Variants in JAKMIP2 observed in about 807,000 individuals in gnomAD.
JAKMIP2 encodes janus kinase and microtubule interacting protein 2.
In JAKMIP2, 25 loss-of-function variants were observed where a neutral mutation model predicts 115.0. That is an observed-to-expected ratio of 0.22 (90% CI 0.16 to 0.30). The LOEUF (loss-of-function observed/expected upper bound fraction) is 0.30, where lower values mean the gene tolerates loss of function less well. Ranked by LOEUF, JAKMIP2 falls within the 10% of genes least tolerant of loss-of-function variation. The probability of loss-of-function intolerance (pLI) is 1.00; values close to 1 mark genes in which losing one functional copy is unlikely to be tolerated. For missense variants in JAKMIP2, 642 were observed against 957.6 expected, an observed-to-expected ratio of 0.67 and a Z score of 4.35; for synonymous variants, 334 against 343.6, an observed-to-expected ratio of 0.97 and a Z score of 0.31.
intron 10 of JAKMIP2, 103 bp from the exon 11 acceptor site, chr5:147,637,151 G>T (rs1421420506): frequency 1.4e-6 from 1 of 732,394 alleles, no homozygotes; most frequent in South Asian, 1.6e-5. Flanking sequence ...AAAAAAAGAA[G>T]AATTTTCTAT....
rs1311922907 is a variant in JAKMIP2 at position 147,588,127 on chromosome 5, T to G, written c.*3580A>C. On this transcript the variant is annotated 3_prime_UTR_variant, in exon 22 of 22. Transcript: ENST00000616793. ...TGACATTCAATTTAGTAATAGATGC[T>G]TTTTAAGTATGATAGTCAAAGATAG... is the stretch of plus-strand genomic sequence containing the variant. 6.6e-6 allele frequency: 1 copy of G among 152,158 alleles called. No homozygotes were observed. Among genetic ancestry groups the G allele is most frequent in the African/African-American group, 2.4e-5 (1 of 41,438 alleles). The allele number at this position is 152,158 out of a possible 1,614,324, so 9.4% of individuals were successfully genotyped here.
At chr5:147,618,923 A>G (rs1711839023) in intron 18 of JAKMIP2, among the ~76,000 whole-genome samples, 1 of 152,096 alleles carries the variant, frequency 6.6e-6, no homozygotes, top group African/African-American at 2.4e-5. Context: ...TGGTCGCCAT[A>G]TTTTTTCTTG....
intron 20 of JAKMIP2, among the ~76,000 whole-genome samples, chr5:147,609,892 C>T (rs1199558558): frequency 6.6e-6 from 1 of 152,092 alleles, no homozygotes; most frequent in East Asian, 1.9e-4. Flanking sequence ...TCTTTTCATT[C>T]TTTTTTCTCT....
intron 1 of JAKMIP2, among the ~76,000 whole-genome samples, 193 bp downstream of exon 1, chr5:147,782,263 A>G (rs1755788166): frequency 6.6e-6 from 1 of 151,556 alleles, no homozygotes; most frequent in South Asian, 2.1e-4. Flanking sequence ...TTTTTTTTAA[A>G]CACAAGAGGT....
At chr5:147,640,008 C>T (rs1031503999) in intron 9 of JAKMIP2, among the ~76,000 whole-genome samples, 1 of 152,126 alleles carries the variant, frequency 6.6e-6, no homozygotes, top group African/African-American at 2.4e-5. Flanking sequence ...ATACATTTCT[C>T]ATTGTTAATC....
chr5:147,676,577 C>T (rs1759976855), intron 1 of JAKMIP2, among the ~76,000 whole-genome samples: 1 of 152,182 alleles, frequency 6.6e-6, no homozygotes, highest in Non-Finnish European at 1.5e-5. Flanking sequence ...CATGGTCAGG[C>T]AGCAGTAGCC....
Position 147,590,675 on chromosome 5 carries a change from T to A in JAKMIP2, c.*1032A>T, listed in dbSNP as rs1755062466. ...GTTTTTGCCCAAATCATATAGCATA[T>A]TCATTTGCAGGCAATTTTAAGCAGC... On this transcript the variant is annotated 3_prime_UTR_variant, in exon 22 of 22. Coordinates refer to ENST00000616793, the MANE Select transcript of JAKMIP2 (RefSeq NM_001270941.2). The A allele has an allele frequency of 6.6e-6, 1 of 152,208 alleles. No individual in the cohort carries two copies. The highest frequency in any genetic ancestry group is 2.1e-4 in the South Asian group (1 of 4,830). 9.4% of individuals were successfully genotyped at this position (152,208 alleles called of 1,614,324 possible).
rs1379916531 is a variant in JAKMIP2, at chr5:147,631,397, T to G, written c.1875+16A>C. On this transcript the variant is annotated intron_variant, in intron 14 of 21. Coordinates refer to ENST00000616793, the MANE Select transcript of JAKMIP2 (RefSeq NM_001270941.2). ...TTCTAATTTCTACAAACATAAAAAA[T>G]GAAATATCTGCCTACCTTAACACCT... 8 of 1,507,692 alleles carry G rather than the reference T, an allele frequency of 5.3e-6. No individual in the cohort carries two copies. The highest frequency in any genetic ancestry group is 7.2e-6 in the Non-Finnish European group (8 of 1,103,678). 93.4% of individuals were successfully genotyped at this position (1,507,692 alleles called of 1,614,324 possible).
At chr5:147,662,187 A>ACACACACAC (rs1561522635) in intron 2 of JAKMIP2, among the ~76,000 whole-genome samples, 1 of 123,754 alleles carries the variant, frequency 8.1e-6, no homozygotes, top group African/African-American at 4.1e-5. Context: ...CACACACACA[A>ACACACACAC]ACAAAAAACC....
At chr5:147,610,572 C>G (rs1238042258) in intron 20 of JAKMIP2, among the ~76,000 whole-genome samples, 1 of 152,170 alleles carries the variant, frequency 6.6e-6, no homozygotes, top group African/African-American at 2.4e-5. Flanking sequence ...CCCTGAAGGG[C>G]ACACGTCAGA....
chr5:147,780,163 C>G (rs1315665253), intron 1 of JAKMIP2, among the ~76,000 whole-genome samples: 2 of 152,156 alleles, frequency 1.3e-5, no homozygotes, highest in African/African-American at 4.8e-5. Context: ...AAACACACTT[C>G]ACTTTTCTAT....
intron 20 of JAKMIP2, among the ~76,000 whole-genome samples, chr5:147,602,236 C>T (rs570886709): frequency 6.6e-6 from 1 of 152,230 alleles, no homozygotes; most frequent in East Asian, 1.9e-4. Context: ...TCAGAACATA[C>T]ACTTAATCAT....
intron 11 of JAKMIP2, 23 bp downstream of exon 11, chr5:147,636,942 A>T (rs1757641803): frequency 2.3e-6 from 2 of 872,570 alleles, no homozygotes; most frequent in East Asian, 2.4e-5. Flanking sequence ...CATCTGCAGA[A>T]GAGCTAGCAA....
intron 1 of JAKMIP2, among the ~76,000 whole-genome samples, chr5:147,738,964 C>T (rs1754032226): frequency 1.3e-5 from 2 of 152,108 alleles, no homozygotes; most frequent in Non-Finnish European, 2.9e-5. Context: ...ATCCAAGGAT[C>T]TTTAAACAAG....
rs772956569 is a variant in JAKMIP2, at chr5:147,620,675, T to C, written c.2133A>G (p.Gln711=). 1.2e-6 allele frequency: 2 copies of C among 1,612,446 alleles called. No homozygotes were observed. The highest frequency in any genetic ancestry group is 4.5e-5 in the East Asian group (2 of 44,788). Residue 711 remains glutamine (Q), a synonymous_variant, in exon 18 of 22, where the codon CAA becomes CAG. Coordinates refer to ENST00000616793, the MANE Select transcript of JAKMIP2 (RefSeq NM_001270941.2). ...ELDYRKQALD[Q]AYMRIQELEA... ...CACTTGTTGTACCTACCATATATGC[T>C]TGGTCAAGAGCTTGTTTTCTGTAGT...
Position 147,591,508 on chromosome 5 carries a change from G to T in JAKMIP2, c.*199C>A. Reference sequence around the variant, plus strand: ...TATATTGTAGATTTTCAACAGGGTTGTGTAGGAACTGTCAAGTAAGAAACC... The same window carrying T: ...TATATTGTAGATTTTCAACAGGGTTTTGTAGGAACTGTCAAGTAAGAAACC... On this transcript the variant is annotated 3_prime_UTR_variant, in exon 22 of 22. Coordinates refer to ENST00000616793, the MANE Select transcript of JAKMIP2 (RefSeq NM_001270941.2). The T allele has an allele frequency of 5.9e-6, 4 of 683,282 alleles. No homozygotes were observed. The highest frequency in any genetic ancestry group is 1.0e-5 in the Non-Finnish European group (4 of 381,922). 42.3% of individuals were successfully genotyped at this position (683,282 alleles called of 1,614,324 possible). A position where few individuals can be genotyped will look rare whatever the true frequency, so the allele number is the denominator to read the frequency against.
At position 147,744,714 on chromosome 5, in the gene JAKMIP2, A is replaced by G. The variant is rs1298034083; in HGVS notation, c.-149+37742T>C. On this transcript the variant is annotated intron_variant, in intron 1 of 21. Coordinates refer to ENST00000616793, the MANE Select transcript of JAKMIP2 (RefSeq NM_001270941.2). ...TTAAAATGGGTGATGGATGTCTTTC[A>G]GTCCTGTTACAGTATCTCTGTGAGT... is the stretch of plus-strand genomic sequence containing the variant. Among the ~76,000 whole-genome samples, 6 of 152,156 alleles carry G rather than the reference A, an allele frequency of 3.9e-5. No individual in the cohort carries two copies. In the East Asian group the frequency reaches 1.2e-3, roughly 29 times the overall value.
At chr5:147,739,137 G>T (rs1410074043) in intron 1 of JAKMIP2, among the ~76,000 whole-genome samples, 2 of 152,116 alleles carry the variant, frequency 1.3e-5, no homozygotes, top group African/African-American at 4.8e-5. Flanking sequence ...GAATGAGCCT[G>T]CTGGGGAAAG....
chr5:147,733,058 T>A (rs747471392), intron 1 of JAKMIP2, among the ~76,000 whole-genome samples: 15 of 152,206 alleles, frequency 9.9e-5, no homozygotes, highest in Admixed American at 9.2e-4. Context: ...GGTGAGGATT[T>A]TTTCAATCCA....
Sources: allele counts gnomAD v4.1 joint callset (sites outside exome capture counted in the v4.1 genomes callset), GRCh38; gene constraint gnomAD v4.1.1; transcripts MANE v1.5; gene names NCBI Gene and HGNC (gene_info 2026-07-23, HGNC 2026-07-21).